The following DAB2IP variants were observed in gnomAD, a reference collection of about 807,000 sequenced individuals.
DAB2IP encodes DAB2 interacting protein.
DAB2IP carries 28 observed loss-of-function variants against 107.2 expected under a neutral mutation model. That is an observed-to-expected ratio of 0.26 (90% CI 0.19 to 0.36). The LOEUF (loss-of-function observed/expected upper bound fraction) is 0.36. DAB2IP is among the 10% of genes least tolerant of loss of function. The pLI, the probability that DAB2IP is intolerant of heterozygous loss-of-function variation, is 1.00. For synonymous variants in DAB2IP, 755 were observed against 706.4 expected (o/e 1.07, Z -1.09); for missense variants, 1,400 against 1,644.7 (o/e 0.85, Z 2.57).
At chr9:121,762,620 T>A (rs1307374126) in intron 6 of DAB2IP, among the ~76,000 whole-genome samples, 1 of 152,198 alleles carries the variant, frequency 6.6e-6, no homozygotes, top group African/African-American at 2.4e-5. Flanking sequence ...TGAGCACAGA[T>A]GCCTGGGTCC....
At position 121,759,878 on chromosome 9, in the gene DAB2IP, C is replaced by T. The variant is rs1488846822; in HGVS notation, c.616-7C>T. On this transcript the variant is annotated splice_polypyrimidine_tract_variant and splice_region_variant and intron_variant, in intron 5 of 15. Transcript: ENST00000408936. Reference sequence around the variant, plus strand: ...GCTGACCACCCTGGACCCCCGTGCACATACAGGACAACAGCCGGCGTGTGG... The same window carrying T: ...GCTGACCACCCTGGACCCCCGTGCATATACAGGACAACAGCCGGCGTGTGG... 4 of 1,609,552 alleles carry T rather than the reference C, an allele frequency of 2.5e-6. No homozygotes were observed. The African/African-American group carries it at 5.3e-5, about 22-fold the overall frequency.
intron 1 of DAB2IP, among the ~76,000 whole-genome samples, chr9:121,631,989 C>T (rs1831907108): frequency 6.6e-6 from 1 of 152,058 alleles, no homozygotes; most frequent in Non-Finnish European, 1.5e-5. Flanking sequence ...CCATCGTTGA[C>T]ACCTTGCAGT....
At position 121,745,759 on chromosome 9, in the gene DAB2IP, C is replaced by T. The variant is rs535464478; in HGVS notation, c.363-11254C>T. ...GTGCAGGAGAGGCCCATCCGAGGTC[C>T]ACACTCCTTTGGCCCAGTGCTCCTT... On this transcript the variant is annotated intron_variant, in intron 3 of 15. Transcript: ENST00000408936. 6.7e-5 allele frequency among the ~76,000 whole-genome samples: 10 copies of T among 148,474 alleles called. No homozygotes were observed. In the South Asian group the frequency reaches 2.2e-3, roughly 32 times the overall value.
intron 10 of DAB2IP, 55 bp downstream of exon 10, chr9:121,768,688 T>C (rs752209006): frequency 1.2e-6 from 2 of 1,600,022 alleles, no homozygotes; most frequent in Admixed American, 3.3e-5. Context: ...AGGCTTTTAG[T>C]GTTCCCCCTT....
At chr9:121,640,760 G>C (rs1235842649) in intron 1 of DAB2IP, among the ~76,000 whole-genome samples, 1 of 152,184 alleles carries the variant, frequency 6.6e-6, no homozygotes, top group African/African-American at 2.4e-5. Context: ...CCTACGGCGT[G>C]GGGTGGGGCC....
chr9:121,693,390 A>G (rs1278462023), intron 2 of DAB2IP, among the ~76,000 whole-genome samples: 1 of 151,872 alleles, frequency 6.6e-6, no homozygotes, highest in Non-Finnish European at 1.5e-5. Context: ...TGCACCCAGC[A>G]TCTCTCCCCT....
At chr9:121,625,544 G>A (rs1437113078) in intron 1 of DAB2IP, among the ~76,000 whole-genome samples, 1 of 152,142 alleles carries the variant, frequency 6.6e-6, no homozygotes, top group Non-Finnish European at 1.5e-5. Flanking sequence ...TTATAGGCGT[G>A]AGCCACCACG....
At chr9:121,616,431 C>T (rs963459651) in intron 1 of DAB2IP, among the ~76,000 whole-genome samples, 5 of 152,126 alleles carry the variant, frequency 3.3e-5, no homozygotes, top group South Asian at 2.1e-4. Context: ...AGCTTCTGAA[C>T]GTTTCTTAGG....
At chr9:121,579,049 T>C (rs974220995) in intron 1 of DAB2IP, among the ~76,000 whole-genome samples, 2 of 152,174 alleles carry the variant, frequency 1.3e-5, no homozygotes, top group Admixed American at 6.5e-5. Context: ...GAGGCTCTGG[T>C]TGGGGGTAGG....
intron 14 of DAB2IP, among the ~76,000 whole-genome samples, chr9:121,780,334 T>TC (rs966948449): frequency 8.4e-4 from 126 of 150,756 alleles, no homozygotes; most frequent in African/African-American, 2.9e-3. Flanking sequence ...CCCCGGAGGG[T>TC]CCCCCCCGCC....
intron 1 of DAB2IP, among the ~76,000 whole-genome samples, chr9:121,675,015 A>C (rs918760072): frequency 6.6e-6 from 1 of 151,292 alleles, no homozygotes; most frequent in Admixed American, 6.6e-5. Flanking sequence ...AGGTTCCATA[A>C]CTGCAGTGGG....
chr9:121,772,085 C>A lies in DAB2IP; in HGVS notation c.2079-522C>A, dbSNP rs867536877. On this transcript the variant is annotated intron_variant, in intron 11 of 15. Transcript: ENST00000408936. This position sits in a 1 kb window ranked among gnomAD's most constrained non-coding sequence, Gnocchi z 4.7. ...TGTTTTTGCCAGGAACTCCAGCCCCCGCCTGCCAGTCAAACAAGGGAGCGG... is the reference window on the plus strand; with the variant it reads ...TGTTTTTGCCAGGAACTCCAGCCCCAGCCTGCCAGTCAAACAAGGGAGCGG... Among the ~76,000 whole-genome samples the A allele has an allele frequency of 6.6e-6, 1 of 152,164 alleles. No homozygotes were observed. The highest frequency in any genetic ancestry group is 1.5e-5 in the Non-Finnish European group (1 of 68,042).
At chr9:121,694,368 CT>C (rs1829314297) in intron 2 of DAB2IP, among the ~76,000 whole-genome samples, 1 of 152,174 alleles carries the variant, frequency 6.6e-6, no homozygotes, top group African/African-American at 2.4e-5. Context: ...CCAAGGATTC[CT>C]GATAACAGGC....
At chr9:121,737,854 C>T (rs1303453041) in intron 3 of DAB2IP, 1 of 922,568 alleles carries the variant, frequency 1.1e-6, no homozygotes, top group Admixed American at 6.2e-5. Flanking sequence ...CCAATGAGGC[C>T]TGGTCCCAGG....
exon 11 of DAB2IP, chr9:121,770,669 A>G: frequency 6.2e-7 from 1 of 1,614,090 alleles, no homozygotes; most frequent in Non-Finnish European, 8.5e-7. Flanking sequence ...GGGCTCTGGC[A>G]GCAGCAGCAT....
chr9:121,652,793 TC>T (rs1467674437), intron 1 of DAB2IP, among the ~76,000 whole-genome samples: 1 of 151,908 alleles, frequency 6.6e-6, no homozygotes, highest in Non-Finnish European at 1.5e-5. Flanking sequence ...GGGGCCACAT[TC>T]CCACCCTGCA....
At chr9:121,590,249 C>G (rs1830399095) in intron 1 of DAB2IP, among the ~76,000 whole-genome samples, 1 of 149,908 alleles carries the variant, frequency 6.7e-6, no homozygotes, top group African/African-American at 2.5e-5. Context: ...CCCACACGCA[C>G]ACTAGATCGG....
chr9:121,578,942 C>CGATGG (rs1830129241), intron 1 of DAB2IP, among the ~76,000 whole-genome samples: 1 of 151,884 alleles, frequency 6.6e-6, no homozygotes, highest in African/African-American at 2.4e-5. Context: ...ACACCACTCC[C>CGATGG]TGCCCCAAAG....
chr9:121,598,452 A>T (rs1206318135), intron 1 of DAB2IP: 1 of 152,224 alleles, frequency 6.6e-6, no homozygotes, highest in Non-Finnish European at 1.5e-5. Flanking sequence ...GGCCGCGGGC[A>T]CCGCGCTGGC....
Sources: allele counts gnomAD v4.1 joint callset (sites outside exome capture counted in the v4.1 genomes callset), GRCh38; gene constraint gnomAD v4.1.1; non-coding constraint Gnocchi (gnomAD v3.1); transcripts MANE v1.5; gene names NCBI Gene and HGNC (gene_info 2026-07-23, HGNC 2026-07-21).